Variants in TDRD3 observed in about 807,000 individuals in gnomAD.
TDRD3 encodes the protein tudor domain-containing protein 3.
In TDRD3, 45 loss-of-function variants were observed where a neutral mutation model predicts 86.7. The observed-to-expected ratio is 0.52, with a 90% CI of 0.41 to 0.67. The LOEUF (loss-of-function observed/expected upper bound fraction) is 0.67. Ranked by LOEUF, TDRD3 falls within the 30% of genes least tolerant of loss-of-function variation. The pLI, the probability that TDRD3 is intolerant of heterozygous loss-of-function variation, is 0.00. For synonymous variants in TDRD3, 298 were observed against 301.7 expected (o/e 0.99, Z 0.13); for missense variants, 814 against 889.0 (o/e 0.92, Z 1.07).
chr13:60,565,934 A>G (rs992308993), intron 12 of TDRD3, among the ~76,000 whole-genome samples: 2 of 152,170 alleles, frequency 1.3e-5, no homozygotes, highest in African/African-American at 4.8e-5. Context: ...TGATACTTCT[A>G]ACCATTTTGA....
chr13:60,426,056 A>G (rs1201443520), intron 1 of TDRD3, among the ~76,000 whole-genome samples: 1 of 152,160 alleles, frequency 6.6e-6, no homozygotes, highest in African/African-American at 2.4e-5. Flanking sequence ...CCCGAGTTCA[A>G]GGGTGACTTG....
intron 1 of TDRD3, among the ~76,000 whole-genome samples, chr13:60,405,892 G>A (rs1954221649): frequency 6.6e-6 from 1 of 152,190 alleles, no homozygotes; most frequent in Non-Finnish European, 1.5e-5. Flanking sequence ...GAGAGCAGCA[G>A]ATCGACTTGA....
chr13:60,548,905 A>G (rs936999772), intron 12 of TDRD3, among the ~76,000 whole-genome samples: 2 of 152,172 alleles, frequency 1.3e-5, no homozygotes, highest in African/African-American at 2.4e-5. Flanking sequence ...GGGAAATAGT[A>G]GAAGAAAAAA....
upstream of TDRD3, chr13:60,397,176 A>C (rs1294699114): frequency 7.3e-6 from 3 of 409,898 alleles, no homozygotes; most frequent in Non-Finnish European, 1.3e-5. Flanking sequence ...ACGGCCGCTC[A>C]GAAAACGCGG....
At chr13:60,475,494 G>A (rs1321869282) in intron 5 of TDRD3, among the ~76,000 whole-genome samples, 1 of 152,140 alleles carries the variant, frequency 6.6e-6, no homozygotes, top group Admixed American at 6.5e-5. Flanking sequence ...CCAGTTCTGT[G>A]TCGATGGACC....
intron 6 of TDRD3, chr13:60,484,717 A>G (rs2137507981): frequency 2.2e-6 from 1 of 455,496 alleles, no homozygotes; most frequent in Non-Finnish European, 4.4e-6. Context: ...TAGCCAAGAT[A>G]AAAGAAAGTG....
intron 5 of TDRD3, among the ~76,000 whole-genome samples, 197 bp downstream of exon 5, chr13:60,467,576 C>G (rs1342509771): frequency 6.6e-6 from 1 of 152,140 alleles, no homozygotes; most frequent in Non-Finnish European, 1.5e-5. Flanking sequence ...GTATTTGTTA[C>G]ATTTTATTAC....
Position 60,509,788 on chromosome 13 carries a change from T to G in TDRD3, c.884T>G (p.Ile295Arg). 6.2e-7 allele frequency: 1 copy of G among 1,613,782 alleles called. No individual in the cohort carries two copies. The change falls in exon 9 of 14, where the codon ATA (isoleucine) becomes AGA (arginine). Residue 295 changes from isoleucine (I) to arginine (R), a missense_variant. By Grantham distance (97) the Ile-to-Arg change is moderately conservative. Coordinates refer to ENST00000377881, the MANE Select transcript of TDRD3 (RefSeq NM_001146070.2). ...ELVDEKALKH[I>R]TEMGFSKEAS... ...GTTGATGAGAAAGCTCTGAAGCACA[T>G]AACGGAAATGGGCTTCAGTAAGGAA...
chr13:60,516,683 A>G (rs952021671), intron 10 of TDRD3, among the ~76,000 whole-genome samples: 2 of 152,218 alleles, frequency 1.3e-5, no homozygotes, highest in Admixed American at 6.5e-5. Flanking sequence ...GTCGTTGGGA[A>G]GATCAAATTA....
At chr13:60,499,631 A>G (rs1318882232) in intron 8 of TDRD3, among the ~76,000 whole-genome samples, 1 of 152,230 alleles carries the variant, frequency 6.6e-6, no homozygotes, top group African/African-American at 2.4e-5. Flanking sequence ...CAGTGGGCTT[A>G]TTGGTGAGAT....
At chr13:60,441,291 T>A (rs538338632) in intron 2 of TDRD3, among the ~76,000 whole-genome samples, 27 of 152,302 alleles carry the variant, frequency 1.8e-4, no homozygotes, top group East Asian at 5.8e-4. Context: ...GGTTTTTTTT[T>A]ATTTATATTC....
chr13:60,529,398 G>A (rs1289002057), intron 11 of TDRD3, among the ~76,000 whole-genome samples, 181 bp downstream of exon 11: 1 of 152,152 alleles, frequency 6.6e-6, no homozygotes, highest in Non-Finnish European at 1.5e-5. Context: ...TTTTATGGAT[G>A]CCTAGGGACA....
At chr13:60,500,935 GT>G (rs1163457864) in intron 8 of TDRD3, among the ~76,000 whole-genome samples, 1 of 152,132 alleles carries the variant, frequency 6.6e-6, no homozygotes, top group African/African-American at 2.4e-5. Flanking sequence ...ATATTCCAAT[GT>G]GCCCATGAAC....
Position 60,510,686 on chromosome 13 carries a change from G to A in TDRD3, c.1072G>A (p.Ala358Thr), listed in dbSNP as rs1957037223. 5 of 1,606,934 alleles carry A rather than the reference G, an allele frequency of 3.1e-6. No individual in the cohort carries two copies. In the South Asian group the frequency reaches 5.6e-5, roughly 18 times the overall value. ...TGAAGATGAAGAGGACCTGGGAAAT[G>A]CAAGGCCATCAGCACCAAGCACATT... Reference protein sequence around the residue: ...RSEDEEDLGNARPSAPSTLFD... With the variant: ...RSEDEEDLGNTRPSAPSTLFD... The change falls in exon 10 of 14, where the codon GCA (alanine) becomes ACA (threonine). Residue 358 changes from alanine (A) to threonine (T), a missense_variant. Coordinates refer to ENST00000377881, the MANE Select transcript of TDRD3 (RefSeq NM_001146070.2).
chr13:60,487,196 A>G (rs1233144015), intron 7 of TDRD3, among the ~76,000 whole-genome samples: 1 of 152,204 alleles, frequency 6.6e-6, no homozygotes, highest in Admixed American at 6.5e-5. Context: ...TCTAGAGATG[A>G]TTTAAATATA....
intron 1 of TDRD3, among the ~76,000 whole-genome samples, chr13:60,413,326 A>G (rs1253087906): frequency 6.6e-6 from 1 of 152,196 alleles, no homozygotes; most frequent in Non-Finnish European, 1.5e-5. Context: ...TCAGTTAGAT[A>G]TATATCTGCT....
chr13:60,528,181 A>T (rs1314890561), intron 10 of TDRD3, among the ~76,000 whole-genome samples, 186 bp from the exon 11 acceptor site: 1 of 152,186 alleles, frequency 6.6e-6, no homozygotes, highest in Non-Finnish European at 1.5e-5. Context: ...GACTAAGAAA[A>T]CTGTACATTA....
chr13:60,545,646 G>A (rs942843868), intron 12 of TDRD3, among the ~76,000 whole-genome samples: 11 of 151,916 alleles, frequency 7.2e-5, no homozygotes, highest in African/African-American at 2.4e-4. Flanking sequence ...GAATGTACAC[G>A]AATGTATTTT....
intron 4 of TDRD3, among the ~76,000 whole-genome samples, chr13:60,463,384 A>G (rs928853964): frequency 1.6e-4 from 23 of 148,318 alleles, no homozygotes; most frequent in African/African-American, 4.9e-5. Flanking sequence ...AAAAAAAAAG[A>G]TAAGACCTAA....
Sources: gnomAD v4.1 joint callset for allele counts (sites outside exome capture counted in the v4.1 genomes callset) on GRCh38, gnomAD v4.1.1 for gene constraint, MANE v1.5 for transcripts, NCBI Gene and HGNC (gene_info 2026-07-23, HGNC 2026-07-21) for gene names.